Variants in AOPEP observed in about 807,000 individuals in gnomAD.
The protein encoded by AOPEP is aminopeptidase O.
Under a neutral mutation model 98.1 loss-of-function variants are expected in AOPEP, and 77 were observed. The ratio of observed to expected loss-of-function variants is 0.78; its 90% CI spans 0.65 to 0.95. AOPEP has a LOEUF of 0.95. Among genes scored for constraint, AOPEP ranks in the 40% least tolerant of loss-of-function variants. The pLI, the probability that AOPEP is intolerant of heterozygous loss-of-function variation, is 0.00. For missense variants in AOPEP, 1,024 were observed against 1,024.7 expected (o/e 1.00, Z 0.01); for synonymous variants, 346 against 365.3 (o/e 0.95, Z 0.60).
chr9:95,026,223 T>C (rs1185130695), intron 13 of AOPEP, among the ~76,000 whole-genome samples: 1 of 152,234 alleles, frequency 6.6e-6, no homozygotes, highest in East Asian at 1.9e-4. Context: ...AGGCGTAATT[T>C]ACGTGCCATA....
At chr9:95,117,222 T>G in the AOPEP span, 1 of 1,085,786 alleles carries the variant, frequency 9.2e-7, no homozygotes, top group Non-Finnish European at 1.4e-6. Flanking sequence ...GTCTCCCTCA[T>G]GCTGTAGATA....
At chr9:94,765,613 A>G (rs1839425997) in intron 2 of AOPEP, among the ~76,000 whole-genome samples, 1 of 151,876 alleles carries the variant, frequency 6.6e-6, no homozygotes, top group African/African-American at 2.4e-5. Flanking sequence ...AAAAAAAATT[A>G]TTAAAAAGAT....
intron 5 of AOPEP, among the ~76,000 whole-genome samples, chr9:94,880,537 G>A (rs1268604947): frequency 6.6e-6 from 1 of 151,370 alleles, no homozygotes; most frequent in Non-Finnish European, 1.5e-5. Context: ...AAGATAATTT[G>A]TAGAGAAGGG....
chr9:95,035,528 TTTTTTTTG>T (rs2064733255), intron 13 of AOPEP, among the ~76,000 whole-genome samples: 1 of 139,450 alleles, frequency 7.2e-6, no homozygotes, highest in African/African-American at 2.7e-5. Context: ...TTTTTTTTTT[TTTTTTTTG>T]AGACGGAGTT....
chr9:94,745,731 T>C (rs1834330728), intron 1 of AOPEP, among the ~76,000 whole-genome samples: 1 of 152,176 alleles, frequency 6.6e-6, no homozygotes, highest in Non-Finnish European at 1.5e-5. Context: ...AGTACTCTAC[T>C]GTGTATATGT....
chr9:94,839,060 G>A (rs375077563), intron 5 of AOPEP, among the ~76,000 whole-genome samples: 25 of 130,938 alleles, frequency 1.9e-4, no homozygotes, highest in African/African-American at 3.5e-4. Flanking sequence ...ACAGGCGTGC[G>A]CCACCACACC....
intron 2 of AOPEP, among the ~76,000 whole-genome samples, chr9:94,766,822 ATTTT>A (rs1330976123): frequency 6.6e-6 from 1 of 151,532 alleles, no homozygotes; most frequent in African/African-American, 2.4e-5. Flanking sequence ...AAACATTGTG[ATTTT>A]TTTGTTTGTT....
chr9:95,052,299 C>T (rs889068398), intron 13 of AOPEP, among the ~76,000 whole-genome samples: 6 of 152,124 alleles, frequency 3.9e-5, no homozygotes, highest in African/African-American at 1.4e-4. Flanking sequence ...ATTTAAGACA[C>T]AGCCTTAAAA....
chr9:94,981,523 C>A (rs2060182515), intron 11 of AOPEP, among the ~76,000 whole-genome samples: 1 of 152,144 alleles, frequency 6.6e-6, no homozygotes, highest in Non-Finnish European at 1.5e-5. Context: ...CAGATGGTGT[C>A]TTTGCGTCTC....
intron 13 of AOPEP, among the ~76,000 whole-genome samples, chr9:95,023,831 G>T (rs1280650075): frequency 6.6e-6 from 1 of 152,200 alleles, no homozygotes; most frequent in Non-Finnish European, 1.5e-5. Context: ...AATGGGTCCA[G>T]TGTTTGTCCC....
intron 13 of AOPEP, among the ~76,000 whole-genome samples, chr9:95,051,340 G>A (rs906998633): frequency 1.3e-5 from 2 of 151,606 alleles, no homozygotes; most frequent in Admixed American, 6.6e-5. Flanking sequence ...TATCTGCCTC[G>A]GCCTCCCAAA....
intron 16 of AOPEP, among the ~76,000 whole-genome samples, chr9:95,084,218 C>T (rs2070291297): frequency 6.6e-6 from 1 of 152,170 alleles, no homozygotes; most frequent in African/African-American, 2.4e-5. Flanking sequence ...CAGTTTTGAA[C>T]ATTGAGTTTT....
chr9:94,905,269 C>T (rs1564356891), intron 5 of AOPEP, among the ~76,000 whole-genome samples: 1 of 152,126 alleles, frequency 6.6e-6, no homozygotes, highest in Non-Finnish European at 1.5e-5. Flanking sequence ...TTTCGTTCAT[C>T]TCAATAACAA....
chr9:94,741,313 C>T (rs1328604834), intron 1 of AOPEP, among the ~76,000 whole-genome samples: 4 of 151,346 alleles, frequency 2.6e-5, no homozygotes, highest in Non-Finnish European at 5.9e-5. Context: ...TGCTCTGTCG[C>T]CCAGGCTGGA....
At chr9:95,104,862 CT>C in the AOPEP span, among the ~76,000 whole-genome samples, 1 of 152,296 alleles carries the variant, frequency 6.6e-6, no homozygotes, top group South Asian at 2.1e-4. Context: ...CCCACTGCCC[CT>C]CCCCAGCCCC....
chr9:94,996,081 G>A (rs1311084682), intron 11 of AOPEP, among the ~76,000 whole-genome samples: 1 of 152,136 alleles, frequency 6.6e-6, no homozygotes, highest in Non-Finnish European at 1.5e-5. Context: ...ACGGAGAGAC[G>A]TGAGCCTGGG....
At chr9:94,832,912 A>G (rs987524266) in intron 5 of AOPEP, among the ~76,000 whole-genome samples, 1 of 151,732 alleles carries the variant, frequency 6.6e-6, no homozygotes, top group East Asian at 1.9e-4. Flanking sequence ...TCTCCTCAGT[A>G]TACTTTGCTT....
chr9:94,849,648 A>G (rs1038083305), intron 5 of AOPEP, among the ~76,000 whole-genome samples: 6 of 151,980 alleles, frequency 3.9e-5, no homozygotes, highest in Non-Finnish European at 7.4e-5. Flanking sequence ...AAACTGTCCC[A>G]CTTCGAATCA....
At chr9:95,076,981 C>T (rs2069141239) in intron 14 of AOPEP, among the ~76,000 whole-genome samples, 1 of 150,228 alleles carries the variant, frequency 6.7e-6, no homozygotes. Flanking sequence ...AAGTTCAGAT[C>T]TCCAGTGCAG....
Sources: allele counts gnomAD v4.1 joint callset (sites outside exome capture counted in the v4.1 genomes callset), GRCh38; gene constraint gnomAD v4.1.1; transcripts MANE v1.5; gene names NCBI Gene and HGNC (gene_info 2026-07-23, HGNC 2026-07-21).